ZNF544: variants seen among roughly 807,000 people sequenced by gnomAD.
ZNF544 encodes the protein zinc finger protein 544.
ZNF544 carries 10 observed loss-of-function variants against 13.5 expected under a neutral mutation model. The observed-to-expected ratio is 0.74, with a 90% CI of 0.46 to 1.25. The LOEUF (loss-of-function observed/expected upper bound fraction) is 1.25. ZNF544 is among the 50% of genes most tolerant of loss of function. ZNF544 has a pLI of 0.00. For synonymous variants in ZNF544, 323 were observed against 300.5 expected, an observed-to-expected ratio of 1.07 and a Z score of -0.77; for missense variants, 896 against 845.6, an observed-to-expected ratio of 1.06 and a Z score of -0.74.
At position 58,256,829 on chromosome 19, in the gene ZNF544, C is replaced by T. The variant is rs569065056; in HGVS notation, c.245-4022C>T. On this transcript the variant is annotated intron_variant, in intron 6 of 6. Coordinates refer to ENST00000687789, the MANE Select transcript of ZNF544 (RefSeq NM_014480.4). Reference sequence around the variant, plus strand: ...ATTAAGGGGTCAATTGGAGTTTGTCCGGCCTTCCCAGCTAGAGAGAGTCTT... The same window carrying T: ...ATTAAGGGGTCAATTGGAGTTTGTCTGGCCTTCCCAGCTAGAGAGAGTCTT... Among the ~76,000 whole-genome samples, 32 of 152,244 alleles carry T rather than the reference C, an allele frequency of 2.1e-4. 1 individual carries two copies. Among genetic ancestry groups the T allele is most frequent in the South Asian group, 6.2e-4 (3 of 4,820 alleles).
intron 6 of ZNF544, among the ~76,000 whole-genome samples, chr19:58,260,064 C>T (rs1035359265): frequency 6.6e-5 from 10 of 152,076 alleles, no homozygotes; most frequent in African/African-American, 1.2e-4. Context: ...TGCTGTTATC[C>T]GGTCTGTTCA....
At chr19:58,243,894 C>G (rs1357226907) in intron 3 of ZNF544, 71 bp from the exon 4 acceptor site, 6 of 1,316,182 alleles carry the variant, frequency 4.6e-6, no homozygotes, top group Middle Eastern at 3.8e-4. Context: ...CCCGCGTTCT[C>G]TAGGGTGGGT....
chr19:58,274,118 G>A (rs1722530029), intron 5 of ZNF544, among the ~76,000 whole-genome samples: 1 of 151,930 alleles, frequency 6.6e-6, no homozygotes, highest in Non-Finnish European at 1.5e-5. Context: ...GTTTATGTAG[G>A]TCCTATCAAT....
At chr19:58,246,690 C>T in intron 5 of ZNF544, 21 bp from the exon 6 acceptor site, 1 of 1,613,236 alleles carries the variant, frequency 6.2e-7, no homozygotes, top group South Asian at 1.1e-5. Flanking sequence ...AGGGGCAAGT[C>T]CTTTTTCCGT....
Position 58,263,044 on chromosome 19 carries a change from T to C in ZNF544, c.*290T>C. On this transcript the variant is annotated 3_prime_UTR_variant, in exon 7 of 7. Transcript: ENST00000687789. ...CCTTTAGCCAACGGTGTCAACTTAC[T>C]AGGCAGCAGAGAATTCATACTGGAG... 9 of 1,144,522 alleles carry C rather than the reference T, an allele frequency of 7.9e-6. No individual in the cohort carries two copies. The highest frequency in any genetic ancestry group is 9.7e-6 in the Non-Finnish European group (9 of 928,122). 70.9% of individuals were successfully genotyped at this position (1,144,522 alleles called of 1,614,324 possible).
At position 58,241,184 on chromosome 19, in the gene ZNF544, T is replaced by A. The variant is rs866286753; in HGVS notation, c.-59-2781T>A. ...TTAAATATATATATATATATATTTT[T>A]TTTTTTTTGTAGAGATAGGGTCTCA... On this transcript the variant is annotated intron_variant, in intron 3 of 6. Transcript: ENST00000687789. Among the ~76,000 whole-genome samples, 165 of 126,758 alleles carry A rather than the reference T, an allele frequency of 1.3e-3. 1 individual carries two copies. The Middle Eastern group carries it at 0.017, about 13-fold the overall frequency. The allele number at this position is 126,758 out of a possible 152,430, so 83.2% of individuals were successfully genotyped here. A position where few individuals can be genotyped will look rare whatever the true frequency, so the allele number is the denominator to read the frequency against.
chr19:58,272,277 G>C (rs932832008), intron 5 of ZNF544, among the ~76,000 whole-genome samples: 1 of 152,136 alleles, frequency 6.6e-6, no homozygotes, highest in Non-Finnish European at 1.5e-5. Flanking sequence ...GAATCCCCTG[G>C]AGTTGGATGG....
At chr19:58,266,190 A>G (rs1016775071), downstream of ZNF544, among the ~76,000 whole-genome samples, 2 of 142,366 alleles carry the variant, frequency 1.4e-5, no homozygotes, top group African/African-American at 5.2e-5. Flanking sequence ...TGGGCAAAAA[A>G]GCGAAAAGCG....
chr19:58,246,184 A>C, intron 4 of ZNF544, 117 bp from the exon 5 acceptor site: 2 of 1,363,202 alleles, frequency 1.5e-6, no homozygotes, highest in Non-Finnish European at 2.1e-6. Context: ...CTCACTGGGT[A>C]TTAGGTTCCA....
In ZNF544 at chr19:58,260,892, A is replaced by G; in HGVS notation, c.286A>G (p.Lys96Glu). The change falls in exon 7 of 7, where the codon AAA becomes GAA. Residue 96 changes from lysine to glutamate, a missense_variant. Lys to Glu is a moderately conservative substitution (Grantham distance 56). Transcript: ENST00000687789. Reference protein sequence around the residue: ...TLEENRLNSEKDRAREELSHH... With the variant: ...TLEENRLNSEEDRAREELSHH... ...TGAGGAGAATAGGTTGAATTCTGAA[A>G]AAGATCGAGCTAGGGAAGAACTATC... 1 of 1,610,752 alleles carries G rather than the reference A, an allele frequency of 6.2e-7. No homozygotes were observed. The highest frequency in any genetic ancestry group is 8.5e-7 in the Non-Finnish European group (1 of 1,179,006).
chr19:58,272,354 G>C (rs941377425), intron 5 of ZNF544, among the ~76,000 whole-genome samples: 2 of 151,986 alleles, frequency 1.3e-5, no homozygotes, highest in African/African-American at 2.4e-5. Context: ...CTGAGGCCGT[G>C]AGTTTGAGAT....
In ZNF544 at chr19:58,261,976, T is replaced by C; in HGVS notation, c.1370T>C (p.Ile457Thr). Residue 457 changes from isoleucine to threonine, a missense_variant, in exon 7 of 7, where the codon ATT (isoleucine) becomes ACT (threonine). Physicochemically the swap from Ile to Thr is moderately conservative, Grantham distance 89 (BLOSUM62 -1). Coordinates refer to ENST00000687789, the MANE Select transcript of ZNF544 (RefSeq NM_014480.4). ...TCTAACCTCATTGTACATCAGAGAATTCATACTGGAGAGAAACCGTATGAG... is the reference window on the plus strand; with the variant it reads ...TCTAACCTCATTGTACATCAGAGAACTCATACTGGAGAGAAACCGTATGAG... ...WNSNLIVHQR[I>T]HTGEKPYECT... 1 of 1,613,598 alleles carries C rather than the reference T, an allele frequency of 6.2e-7. No homozygotes were observed. Among genetic ancestry groups the C allele is most frequent in the Admixed American group, 1.7e-5 (1 of 59,940 alleles).
At position 58,262,140 on chromosome 19, in the gene ZNF544, A is replaced by T. The variant is rs1334584569; in HGVS notation, c.1534A>T (p.Arg512Trp). 1 of 1,613,548 alleles carries T rather than the reference A, an allele frequency of 6.2e-7. No homozygotes were observed. The highest frequency in any genetic ancestry group is 8.5e-7 in the Non-Finnish European group (1 of 1,179,954). The change falls in exon 7 of 7, where the codon AGG becomes TGG. Residue 512 changes from arginine to tryptophan, a missense_variant. Transcript: ENST00000687789. ...GAAGTATGACCTTGTTGTACATCAGAGGACACACACTGGAGAGAAGCCCTA... is the reference window on the plus strand; with the variant it reads ...GAAGTATGACCTTGTTGTACATCAGTGGACACACACTGGAGAGAAGCCCTA... ...SQKYDLVVHQRTHTGEKPYEC... is the reference protein window; with the variant it reads ...SQKYDLVVHQWTHTGEKPYEC...
At chr19:58,240,970 T>G (rs1377811503) in intron 3 of ZNF544, among the ~76,000 whole-genome samples, 1 of 149,906 alleles carries the variant, frequency 6.7e-6, no homozygotes, top group Non-Finnish European at 1.5e-5. Context: ...TTTCTTTTCT[T>G]TTTGTTATTG....
chr19:58,246,143 G>A (rs2045153898), intron 4 of ZNF544, among the ~76,000 whole-genome samples, 158 bp from the exon 5 acceptor site: 1 of 152,128 alleles, frequency 6.6e-6, no homozygotes, highest in South Asian at 2.1e-4. Context: ...GACATTAATT[G>A]CCTTGTAAAG....
chr19:58,245,302 T>G (rs2044889382), intron 4 of ZNF544, among the ~76,000 whole-genome samples: 1 of 150,838 alleles, frequency 6.6e-6, no homozygotes, highest in Non-Finnish European at 1.5e-5. Context: ...TGTGGGGTTT[T>G]TTTTTTTTTT....
At chr19:58,242,953 C>T (rs140638120) in intron 3 of ZNF544, among the ~76,000 whole-genome samples, 1,647 of 152,220 alleles carry the variant, frequency 0.011, 17 homozygotes, top group Non-Finnish European at 0.016. Context: ...CCTCAGCCTC[C>T]CAAAGTGCTG....
rs1425541434 is a variant in ZNF544 at position 58,260,940 on chromosome 19, AGT to A, written c.336_337del (p.Ser112ArgfsTer46). 6.2e-7 allele frequency: 1 copy of A among 1,614,200 alleles called. No homozygotes were observed. Among genetic ancestry groups the A allele is most frequent in the Non-Finnish European group, 8.5e-7 (1 of 1,180,032 alleles). ...ATCCCACCACGTGGAAGTGTACAGG[AGT>A]GGACCGGAGGAGCCACCCTCTTTGG... is the stretch of plus-strand genomic sequence containing the variant. ...ELSHHVEVYR[S>X]GPEEPPSLVL... On this transcript the variant is annotated frameshift_variant, in exon 7 of 7. Transcript: ENST00000687789. LOFTEE classifies it low-confidence loss of function (END_TRUNC).
chr19:58,269,445 C>CA lies in ZNF544; in HGVS notation c.245-6875dup, dbSNP rs745819568. 7.8e-3 allele frequency among the ~76,000 whole-genome samples: 646 copies of CA among 82,618 alleles called. 33 individuals carry two copies. The highest frequency in any genetic ancestry group is 0.025 in the African/African-American group (594 of 23,680). 54.2% of individuals were successfully genotyped at this position (82,618 alleles called of 152,430 possible). A position where few individuals can be genotyped will look rare whatever the true frequency, so the allele number is the denominator to read the frequency against. On this transcript the variant is annotated intron_variant, in intron 5 of 6. Transcript: ENST00000595981. Reference sequence around the variant, plus strand: ...AGCGAGACTCTGTCTCAAAAAAAAACAAACAAAAAAAATGTCAGGGTCGGG... The same window carrying CA: ...AGCGAGACTCTGTCTCAAAAAAAAACAAAACAAAAAAAATGTCAGGGTCGGG...
Sources: gnomAD v4.1 joint callset for allele counts (sites outside exome capture counted in the v4.1 genomes callset) on GRCh38, gnomAD v4.1.1 for gene constraint, MANE v1.5 for transcripts, NCBI Gene and HGNC (gene_info 2026-07-23, HGNC 2026-07-21) for gene names.